The following ADAMTSL1 variants were observed in gnomAD, a reference collection of about 807,000 sequenced individuals.
ADAMTSL1 encodes ADAMTS like 1.
A neutral mutation model predicts 201.8 loss-of-function variants in ADAMTSL1; 126 were observed. That is an observed-to-expected ratio of 0.62 (90% CI 0.54 to 0.72). The LOEUF (loss-of-function observed/expected upper bound fraction) is 0.72, where lower values mean the gene tolerates loss of function less well. Among genes scored for constraint, ADAMTSL1 ranks in the 30% least tolerant of loss-of-function variants. The probability of loss-of-function intolerance (pLI) is 0.00; values close to 1 mark genes in which losing one functional copy is unlikely to be tolerated. For missense variants in ADAMTSL1, 2,679 were observed against 2,277.8 expected (o/e 1.18, Z -3.59); for synonymous variants, 1,121 against 903.4 (o/e 1.24, Z -4.32).
At chr9:18,757,528 C>A (rs760961613) in intron 16 of ADAMTSL1, among the ~76,000 whole-genome samples, 2 of 152,082 alleles carry the variant, frequency 1.3e-5, no homozygotes, top group Non-Finnish European at 2.9e-5. Context: ...CATCCCTCTG[C>A]GCATCTGTCC....
intron 1 of ADAMTSL1, among the ~76,000 whole-genome samples, chr9:18,074,076 G>T (rs1452059087): frequency 6.6e-6 from 1 of 151,740 alleles, no homozygotes; most frequent in African/African-American, 2.4e-5. Flanking sequence ...TCATTTTTTG[G>T]AGCATCTAAG....
chr9:18,278,926 T>C (rs573601315), intron 2 of ADAMTSL1, among the ~76,000 whole-genome samples: 3 of 152,180 alleles, frequency 2.0e-5, no homozygotes, highest in African/African-American at 7.2e-5. Context: ...GGTTTTTTTT[T>C]CTTCTGTTTC....
chr9:18,797,892 A>G (rs1822532564), intron 20 of ADAMTSL1, among the ~76,000 whole-genome samples: 1 of 152,186 alleles, frequency 6.6e-6, no homozygotes, highest in African/African-American at 2.4e-5. Flanking sequence ...AAACAATTCT[A>G]AAATGTGCAA....
intron 2 of ADAMTSL1, among the ~76,000 whole-genome samples, chr9:18,213,813 C>T (rs1829967205): frequency 6.6e-6 from 1 of 152,038 alleles, no homozygotes; most frequent in Non-Finnish European, 1.5e-5. Flanking sequence ...GATCTCGGTT[C>T]ACTGCAACTT....
chr9:17,913,596 A>C (rs1398521819), intron 1 of ADAMTSL1, among the ~76,000 whole-genome samples: 1 of 152,174 alleles, frequency 6.6e-6, no homozygotes, highest in Non-Finnish European at 1.5e-5. Flanking sequence ...ACACCCTAAC[A>C]TCACAATTAA....
intron 1 of ADAMTSL1, among the ~76,000 whole-genome samples, chr9:18,029,746 T>C (rs557782233): frequency 3.9e-5 from 6 of 152,214 alleles, no homozygotes; most frequent in Non-Finnish European, 7.4e-5. Flanking sequence ...AGGATATGAA[T>C]AGACACTTCT....
At chr9:18,376,302 GAT>G (rs1837293650) in intron 2 of ADAMTSL1, among the ~76,000 whole-genome samples, 1 of 152,172 alleles carries the variant, frequency 6.6e-6, no homozygotes, top group South Asian at 2.1e-4. Flanking sequence ...TATGTACACA[GAT>G]ATGTATAATG....
chr9:18,553,085 T>C (rs148747422), intron 3 of ADAMTSL1, among the ~76,000 whole-genome samples: 1 of 151,674 alleles, frequency 6.6e-6, no homozygotes, highest in Non-Finnish European at 1.5e-5. Flanking sequence ...CTTCCATCTA[T>C]TTGCTGTCAC....
chr9:18,700,511 C>T (rs1281757711), intron 13 of ADAMTSL1, among the ~76,000 whole-genome samples: 1 of 152,096 alleles, frequency 6.6e-6, no homozygotes, highest in African/African-American at 2.4e-5. Context: ...CCAAAATGTG[C>T]AGCTTAGGTT....
At chr9:18,253,105 A>G (rs1052225105) in intron 2 of ADAMTSL1, among the ~76,000 whole-genome samples, 2 of 152,238 alleles carry the variant, frequency 1.3e-5, no homozygotes, top group South Asian at 2.1e-4. Flanking sequence ...TCTATGATGT[A>G]GATGTCATGA....
intron 7 of ADAMTSL1, among the ~76,000 whole-genome samples, chr9:18,652,644 G>T (rs1198681029): frequency 6.6e-6 from 1 of 152,144 alleles, no homozygotes; most frequent in Non-Finnish European, 1.5e-5. Flanking sequence ...AGATGATTTT[G>T]CCCAATTGTA....
chr9:18,321,619 AC>A (rs200271566), intron 2 of ADAMTSL1, among the ~76,000 whole-genome samples: 2,577 of 152,182 alleles, frequency 0.017, 37 homozygotes, highest in African/African-American at 0.045. Context: ...CAGTGAAACC[AC>A]ATCTCTACCA....
chr9:18,527,657 A>G (rs1819168448), intron 2 of ADAMTSL1, among the ~76,000 whole-genome samples: 1 of 152,200 alleles, frequency 6.6e-6, no homozygotes, highest in African/African-American at 2.4e-5. Flanking sequence ...TAGATGGTGT[A>G]TTATGCGTTA....
chr9:17,958,017 C>G (rs528903487), intron 1 of ADAMTSL1, among the ~76,000 whole-genome samples: 68 of 152,228 alleles, frequency 4.5e-4, no homozygotes, highest in African/African-American at 1.6e-3. Context: ...TCATAGGATG[C>G]TAAAACATCC....
chr9:18,806,576 A>T (rs1362045472), intron 20 of ADAMTSL1, among the ~76,000 whole-genome samples: 1 of 152,174 alleles, frequency 6.6e-6, no homozygotes, highest in Non-Finnish European at 1.5e-5. Flanking sequence ...CAAACTTTCC[A>T]TCTCCTCTGG....
At chr9:18,538,860 A>C (rs1015691550) in intron 3 of ADAMTSL1, among the ~76,000 whole-genome samples, 3 of 152,222 alleles carry the variant, frequency 2.0e-5, no homozygotes, top group Non-Finnish European at 4.4e-5. Context: ...CAAATGGAAC[A>C]TATGGAAGAA....
At chr9:18,559,299 C>G (rs1564047051) in intron 3 of ADAMTSL1, among the ~76,000 whole-genome samples, 2 of 152,078 alleles carry the variant, frequency 1.3e-5, no homozygotes, top group Non-Finnish European at 1.5e-5. Context: ...TCAGGTTTGT[C>G]AAAGATCAGG....
intron 2 of ADAMTSL1, among the ~76,000 whole-genome samples, chr9:18,177,977 G>T (rs556372481): frequency 5.6e-4 from 85 of 152,276 alleles, no homozygotes; most frequent in Non-Finnish European, 1.0e-3. Flanking sequence ...AATTTTTGGC[G>T]GGTGATGAAA....
Position 18,179,396 on chromosome 9 carries a change from C to T in ADAMTSL1, c.207+15415C>T, listed in dbSNP as rs549521472. Among the ~76,000 whole-genome samples the T allele has an allele frequency of 3.1e-4, 47 of 152,320 alleles. 1 individual carries two copies. In the South Asian group the frequency reaches 9.3e-3, roughly 30 times the overall value. ...CTACGTGAAAAGACCAAATCTACGTCTGACTGGTGTACCTGAAAGTGACGG... is the reference window on the plus strand; with the variant it reads ...CTACGTGAAAAGACCAAATCTACGTTTGACTGGTGTACCTGAAAGTGACGG... On this transcript the variant is annotated intron_variant, in intron 2 of 29. Coordinates refer to the ADAMTSL1 transcript ENST00000680146.
Sources: gnomAD v4.1 joint callset for allele counts (sites outside exome capture counted in the v4.1 genomes callset) on GRCh38, gnomAD v4.1.1 for gene constraint, MANE v1.5 for transcripts, NCBI Gene and HGNC (gene_info 2026-07-23, HGNC 2026-07-21) for gene names.